GREM2: variants seen among roughly 807,000 people sequenced by gnomAD.
GREM2 encodes the protein gremlin 2, DAN family BMP antagonist.
GREM2 carries 11 observed loss-of-function variants against 14.2 expected under a neutral mutation model. The ratio of observed to expected loss-of-function variants is 0.78; its 90% CI spans 0.49 to 1.28. The LOEUF is 1.28. Ranked by LOEUF, GREM2 falls within the 50% of genes most tolerant of loss-of-function variation. The pLI, the probability that GREM2 is intolerant of heterozygous loss-of-function variation, is 0.00. For synonymous variants in GREM2, 98 were observed against 97.6 expected, an observed-to-expected ratio of 1.00 and a Z score of -0.02; for missense variants, 210 against 218.5, an observed-to-expected ratio of 0.96 and a Z score of 0.24.
chr1:240,571,077 CAT>C (rs571735866), intron 1 of GREM2, among the ~76,000 whole-genome samples: 109 of 152,156 alleles, frequency 7.2e-4, no homozygotes, highest in Non-Finnish European at 1.1e-3. Flanking sequence ...ATGTCTATAA[CAT>C]AAACAACCAG....
intron 1 of GREM2, among the ~76,000 whole-genome samples, chr1:240,498,194 C>G (rs1677475715): frequency 6.6e-6 from 1 of 152,182 alleles, no homozygotes; most frequent in Non-Finnish European, 1.5e-5. Context: ...AACTCATTAA[C>G]ATGTTTTCAA....
chr1:240,512,975 A>T (rs1558143973), intron 1 of GREM2, among the ~76,000 whole-genome samples: 1 of 152,202 alleles, frequency 6.6e-6, no homozygotes, highest in Non-Finnish European at 1.5e-5. Context: ...GGTACTAGGA[A>T]TACAGCAGAT....
chr1:240,598,061 A>G (rs1373188394), intron 1 of GREM2, among the ~76,000 whole-genome samples: 1 of 152,230 alleles, frequency 6.6e-6, no homozygotes, highest in Admixed American at 6.5e-5. Context: ...TGCAGTTAAT[A>G]TCGACTAAAC....
chr1:240,524,583 A>AATTCC (rs1678181307), intron 1 of GREM2, among the ~76,000 whole-genome samples: 1 of 152,220 alleles, frequency 6.6e-6, no homozygotes, highest in Admixed American at 6.5e-5. Context: ...CTCACAGTAC[A>AATTCC]CCAGTACAAA....
chr1:240,591,403 G>A lies in GREM2; in HGVS notation c.-2+20481C>T, dbSNP rs77404600. On this transcript the variant is annotated intron_variant, in intron 1 of 1. Transcript: ENST00000318160. Reference sequence around the variant, plus strand: ...TGTTAGAAAACTGAAAAGAGGTTACGTAGCTTAGAGATATACCTAAGAAAA... The same window carrying A: ...TGTTAGAAAACTGAAAAGAGGTTACATAGCTTAGAGATATACCTAAGAAAA... Among the ~76,000 whole-genome samples the A allele has an allele frequency of 3.9e-3, 597 of 152,290 alleles. 1 individual carries two copies. Among genetic ancestry groups the A allele is most frequent in the Non-Finnish European group, 6.7e-3 (455 of 68,032 alleles).
intron 1 of GREM2, among the ~76,000 whole-genome samples, chr1:240,519,948 C>T (rs1258231057): frequency 6.6e-6 from 1 of 151,984 alleles, no homozygotes; most frequent in Non-Finnish European, 1.5e-5. Flanking sequence ...GGCGTGGTGG[C>T]GCATGCCTGT....
chr1:240,565,188 C>A (rs1317954638), intron 1 of GREM2, among the ~76,000 whole-genome samples: 1 of 152,028 alleles, frequency 6.6e-6, no homozygotes, highest in Non-Finnish European at 1.5e-5. Flanking sequence ...TGGAGATTAG[C>A]TTTATGGCAC....
At chr1:240,593,525 A>G (rs1368073155) in intron 1 of GREM2, among the ~76,000 whole-genome samples, 3 of 152,200 alleles carry the variant, frequency 2.0e-5, no homozygotes, top group Non-Finnish European at 4.4e-5. Flanking sequence ...AGTTTACAAG[A>G]TTAGGTGAAG....
chr1:240,512,772 G>T (rs1441790288), intron 1 of GREM2, among the ~76,000 whole-genome samples: 3 of 152,148 alleles, frequency 2.0e-5, no homozygotes, highest in Non-Finnish European at 4.4e-5. Flanking sequence ...TTTGTTGACA[G>T]AATTTGTTAT....
chr1:240,562,737 A>G (rs1679070297), intron 1 of GREM2, among the ~76,000 whole-genome samples: 1 of 145,968 alleles, frequency 6.9e-6, no homozygotes, highest in South Asian at 2.2e-4. Context: ...ATGTGTGTAT[A>G]TATGTGTGCA....
intron 1 of GREM2, among the ~76,000 whole-genome samples, chr1:240,513,641 G>A (rs185721201): frequency 9.9e-5 from 15 of 152,002 alleles, no homozygotes; most frequent in African/African-American, 2.4e-4. Flanking sequence ...CTTACAGTGC[G>A]AGGGGGCCAG....
intron 1 of GREM2, among the ~76,000 whole-genome samples, chr1:240,527,818 A>G (rs1217515859): frequency 6.6e-6 from 1 of 152,210 alleles, no homozygotes; most frequent in African/African-American, 2.4e-5. Flanking sequence ...CAAAACTCAA[A>G]TCCAAGTGTC....
intron 1 of GREM2, among the ~76,000 whole-genome samples, chr1:240,584,950 G>A (rs1679560731): frequency 6.6e-6 from 1 of 152,052 alleles, no homozygotes; most frequent in South Asian, 2.1e-4. Context: ...CATCCTTTCT[G>A]TCCATCCTTT....
intron 1 of GREM2, among the ~76,000 whole-genome samples, chr1:240,599,489 A>C (rs1021680243): frequency 1.3e-5 from 2 of 152,166 alleles, no homozygotes; most frequent in African/African-American, 2.4e-5. Flanking sequence ...ACAGAAGGGG[A>C]AAAGCTCTGG....
chr1:240,489,817 C>G lies in GREM2; in HGVS notation c.*3152G>C, dbSNP rs1409768488. ...ATTGACTTTATAACTTAAAAATCATCTGGCCAATTTCAAAAACAAGTGAGT... is the reference window on the plus strand; with the variant it reads ...ATTGACTTTATAACTTAAAAATCATGTGGCCAATTTCAAAAACAAGTGAGT... On this transcript the variant is annotated 3_prime_UTR_variant, in exon 2 of 2. Coordinates refer to ENST00000318160, the MANE Select transcript of GREM2 (RefSeq NM_022469.4). The G allele has an allele frequency of 6.6e-6, 1 of 152,164 alleles. No homozygotes were observed. Among genetic ancestry groups the G allele is most frequent in the Admixed American group, 6.5e-5 (1 of 15,282 alleles). 9.4% of individuals were successfully genotyped at this position (152,164 alleles called of 1,614,324 possible).
chr1:240,571,814 G>T (rs1679267877), intron 1 of GREM2, among the ~76,000 whole-genome samples: 1 of 152,198 alleles, frequency 6.6e-6, no homozygotes, highest in African/African-American at 2.4e-5. Flanking sequence ...ACCTTCAAAT[G>T]CCATTACCAG....
At chr1:240,520,013 G>A (rs1678044801) in intron 1 of GREM2, among the ~76,000 whole-genome samples, 1 of 152,020 alleles carries the variant, frequency 6.6e-6, no homozygotes, top group Admixed American at 6.6e-5. Context: ...CCGAGAGACG[G>A]AGGTTGCGGT....
In GREM2 at chr1:240,555,637, G is replaced by A. The variant is rs543619973; in HGVS notation, c.-2+56247C>T. ...AACTAGTACTGAGTGTTCACACTGG[G>A]GAATGCTGGTATCGTGCATATTTTG... On this transcript the variant is annotated intron_variant, in intron 1 of 1. Transcript: ENST00000318160. Among the ~76,000 whole-genome samples the A allele has an allele frequency of 5.9e-5, 9 of 152,274 alleles. No individual in the cohort carries two copies. The South Asian group carries it at 1.5e-3, about 25-fold the overall frequency.
intron 1 of GREM2, among the ~76,000 whole-genome samples, chr1:240,559,595 C>T (rs985641517): frequency 3.9e-5 from 6 of 152,116 alleles, no homozygotes; most frequent in African/African-American, 1.4e-4. Context: ...CCACCCATCT[C>T]GGCCTCCCAA....
Sources: gnomAD v4.1 joint callset for allele counts (sites outside exome capture counted in the v4.1 genomes callset) on GRCh38, gnomAD v4.1.1 for gene constraint, MANE v1.5 for transcripts, NCBI Gene and HGNC (gene_info 2026-07-23, HGNC 2026-07-21) for gene names.